The following TAC4 variants were observed in gnomAD, a reference collection of about 807,000 sequenced individuals.
The protein encoded by TAC4 is tachykinin-4.
TAC4 carries 17 observed loss-of-function variants against 17.7 expected under a neutral mutation model. That is an observed-to-expected ratio of 0.96 (90% CI 0.66 to 1.44). The LOEUF is 1.44. Ranked by LOEUF, TAC4 falls within the 40% of genes most tolerant of loss-of-function variation. The pLI is 0.00. For missense variants in TAC4, 118 were observed against 125.6 expected (o/e 0.94, Z 0.29); for synonymous variants, 62 against 52.4 (o/e 1.18, Z -0.79).
chr17:49,847,794 C>G, intron 1 of TAC4, 119 bp downstream of exon 1: 42 of 1,560,946 alleles, frequency 2.7e-5, no homozygotes, highest in Non-Finnish European at 3.7e-5. Context: ...AGACAACTTG[C>G]CTTGCAGACT....
chr17:49,844,436 T>C (rs1259828905), intron 1 of TAC4, among the ~76,000 whole-genome samples: 1 of 152,054 alleles, frequency 6.6e-6, no homozygotes, highest in African/African-American at 2.4e-5. Flanking sequence ...ACTGTCATTT[T>C]ACACATGAAA....
chr17:49,840,725 A>T (rs974179405), intron 3 of TAC4, among the ~76,000 whole-genome samples: 11 of 151,288 alleles, frequency 7.3e-5, no homozygotes, highest in Non-Finnish European at 1.2e-4. Flanking sequence ...CTGGTCTCGA[A>T]CTCCTGACCT....
At chr17:49,843,130 C>G (rs936908492) in intron 2 of TAC4, among the ~76,000 whole-genome samples, 1 of 152,250 alleles carries the variant, frequency 6.6e-6, no homozygotes, top group Non-Finnish European at 1.5e-5. Context: ...GAAAGGTAAG[C>G]ACATTTCCAA....
At chr17:49,847,203 C>A (rs779302729) in intron 1 of TAC4, 5 of 1,290,198 alleles carry the variant, frequency 3.9e-6, no homozygotes, top group Admixed American at 2.3e-5. Context: ...CCTGTCTGCC[C>A]CCCTGGAAGC....
At chr17:49,846,195 A>C (rs1208255127) in intron 1 of TAC4, 1 of 1,288,646 alleles carries the variant, frequency 7.8e-7, no homozygotes, top group Non-Finnish European at 1.0e-6. Flanking sequence ...CCAAATCCCC[A>C]ACTCCAGGGA....
chr17:49,846,901 T>TG (rs1419870085), intron 1 of TAC4: 9 of 1,229,330 alleles, frequency 7.3e-6, no homozygotes, highest in East Asian at 5.6e-5. Flanking sequence ...AGAAAAGCCT[T>TG]GGGGGGTCAC....
At chr17:49,846,102 G>C (rs147716684) in intron 1 of TAC4, 47 of 735,514 alleles carry the variant, frequency 6.4e-5, no homozygotes, top group East Asian at 1.5e-4. Flanking sequence ...TGTGCCTGGT[G>C]GGGGGGCATT....
Position 49,838,534 on chromosome 17 carries a change from G to T in TAC4, c.*108C>A. 1 of 1,372,054 alleles carries T rather than the reference G, an allele frequency of 7.3e-7. No individual in the cohort carries two copies. Among genetic ancestry groups the T allele is most frequent in the Non-Finnish European group, 1.0e-6 (1 of 968,282 alleles). 85.0% of individuals were successfully genotyped at this position (1,372,054 alleles called of 1,614,324 possible). ...GGGCCTTGTGTGAAGTGCCAGCGAT[G>T]AGGACAGGAGACACAGAGAAGAGAG... On this transcript the variant is annotated 3_prime_UTR_variant, in exon 5 of 5. Coordinates refer to ENST00000436235, the MANE Select transcript of TAC4 (RefSeq NM_001077506.2).
intron 2 of TAC4, among the ~76,000 whole-genome samples, chr17:49,841,949 G>C (rs113658530): frequency 0.035 from 4,973 of 143,836 alleles, 314 homozygotes; most frequent in African/African-American, 0.12. Context: ...TGTCGCCCAG[G>C]CTGGAGTGCA....
intron 1 of TAC4, among the ~76,000 whole-genome samples, chr17:49,844,437 A>T (rs2144047807): frequency 6.6e-6 from 1 of 152,228 alleles, no homozygotes; most frequent in Middle Eastern, 3.4e-3. Flanking sequence ...CTGTCATTTT[A>T]CACATGAAAA....
At chr17:49,846,932 G>T (rs1336204190) in intron 1 of TAC4, 1 of 1,282,602 alleles carries the variant, frequency 7.8e-7, no homozygotes, top group Non-Finnish European at 1.0e-6. Context: ...CGTTTTGCAG[G>T]TGAGGAAACT....
At chr17:49,844,767 G>T (rs569932022) in intron 1 of TAC4, among the ~76,000 whole-genome samples, 5 of 152,242 alleles carry the variant, frequency 3.3e-5, no homozygotes, top group Admixed American at 2.0e-4. Flanking sequence ...CAAAAAGAAA[G>T]AATTGTCCAA....
At position 49,843,409 on chromosome 17, in the gene TAC4, A is replaced by G. The variant is rs933461750; in HGVS notation, c.199+655T>C. Among the ~76,000 whole-genome samples, 19 of 152,364 alleles carry G rather than the reference A, an allele frequency of 1.2e-4. No homozygotes were observed. The East Asian group carries it at 3.3e-3, about 26-fold the overall frequency. On this transcript the variant is annotated intron_variant, in intron 2 of 4. Coordinates refer to ENST00000436235, the MANE Select transcript of TAC4 (RefSeq NM_001077506.2). ...AAGCTTGGCTTGTGGCTTTGCCCAC[A>G]TCCAGACTGGTCTCTAGCTTCACTG...
chr17:49,844,349 A>T (rs1029493443), intron 1 of TAC4, among the ~76,000 whole-genome samples, 192 bp from the exon 2 acceptor site: 2 of 151,970 alleles, frequency 1.3e-5, no homozygotes, highest in Non-Finnish European at 2.9e-5. Context: ...TTCACCTACT[A>T]TGTTCTGAGC....
Position 49,848,065 on chromosome 17 carries a change from A to C in TAC4, c.-48T>G, listed in dbSNP as rs1289948144. On this transcript the variant is annotated 5_prime_UTR_variant, in exon 1 of 5. Coordinates refer to ENST00000436235, the MANE Select transcript of TAC4 (RefSeq NM_001077506.2). ...ATCTCTGGGAGCCCCTCTCAGCTTG[A>C]AGATGCCTCCTGCAGGCTTTGGTTT... 2 of 1,608,286 alleles carry C rather than the reference A, an allele frequency of 1.2e-6. No individual in the cohort carries two copies. The highest frequency in any genetic ancestry group is 2.7e-5 in the African/African-American group (2 of 74,822).
intron 1 of TAC4, 163 bp downstream of exon 1, chr17:49,847,750 C>T: frequency 8.4e-7 from 1 of 1,185,278 alleles, no homozygotes; most frequent in Non-Finnish European, 1.2e-6. Flanking sequence ...CAGGCCAGGG[C>T]TCATAGCCTT....
intron 2 of TAC4, among the ~76,000 whole-genome samples, chr17:49,843,640 C>T (rs372730177): frequency 6.6e-6 from 1 of 152,320 alleles, no homozygotes; most frequent in South Asian, 2.1e-4. Context: ...GTCGCCCAGG[C>T]TGGAGTGTAG....
chr17:49,843,186 A>C (rs1003942107), intron 2 of TAC4, among the ~76,000 whole-genome samples: 4 of 152,242 alleles, frequency 2.6e-5, no homozygotes, highest in Non-Finnish European at 5.9e-5. Flanking sequence ...ACAGTGTAAA[A>C]GTGCCAGTTT....
In TAC4 at chr17:49,848,034, C is replaced by G. The variant is rs1195115848; in HGVS notation, c.-17G>C. 1 of 1,613,108 alleles carries G rather than the reference C, an allele frequency of 6.2e-7. No individual in the cohort carries two copies. The highest frequency in any genetic ancestry group is 8.5e-7 in the Non-Finnish European group (1 of 1,179,614). ...AGGCAGCATGGTGAGCCTGCACTGTCCTGGAATCTCTGGGAGCCCCTCTCA... is the reference window on the plus strand; with the variant it reads ...AGGCAGCATGGTGAGCCTGCACTGTGCTGGAATCTCTGGGAGCCCCTCTCA... On this transcript the variant is annotated 5_prime_UTR_variant, in exon 1 of 5. Transcript: ENST00000436235.
Sources: allele counts gnomAD v4.1 joint callset (sites outside exome capture counted in the v4.1 genomes callset), GRCh38; gene constraint gnomAD v4.1.1; transcripts MANE v1.5; gene names NCBI Gene and HGNC (gene_info 2026-07-23, HGNC 2026-07-21).